The following RORA variants were observed in gnomAD, a reference collection of about 807,000 sequenced individuals.
RORA encodes nuclear receptor ROR-alpha.
Under a neutral mutation model 69.5 loss-of-function variants are expected in RORA, and 7 were observed. That is an observed-to-expected ratio of 0.10 (90% CI 0.06 to 0.19). The LOEUF (loss-of-function observed/expected upper bound fraction) is 0.19. Among genes scored for constraint, RORA ranks in the 10% least tolerant of loss-of-function variants. The pLI, the probability that RORA is intolerant of heterozygous loss-of-function variation, is 1.00. For missense variants in RORA, 457 were observed against 663.0 expected (o/e 0.69, Z 3.41); for synonymous variants, 261 against 240.8 (o/e 1.08, Z -0.78).
intron 1 of RORA, among the ~76,000 whole-genome samples, chr15:61,124,315 T>C (rs2079126382): frequency 5.3e-5 from 8 of 152,264 alleles, no homozygotes; most frequent in Admixed American, 5.2e-4. Flanking sequence ...TTTTGTTTCC[T>C]ATATATTTGG....
At chr15:60,895,565 G>C (rs1891209947) in intron 1 of RORA, among the ~76,000 whole-genome samples, 1 of 110,532 alleles carries the variant, frequency 9.0e-6, no homozygotes, top group South Asian at 4.2e-4. Context: ...CCCCCTCTCA[G>C]AATGGCTCTT....
At chr15:60,669,755 T>C (rs2070436926) in intron 2 of RORA, among the ~76,000 whole-genome samples, 1 of 152,212 alleles carries the variant, frequency 6.6e-6, no homozygotes, top group Non-Finnish European at 1.5e-5. Flanking sequence ...ACATATTCTA[T>C]TAGGTTGGTG....
At chr15:61,133,238 T>C (rs185948677) in intron 1 of RORA, among the ~76,000 whole-genome samples, 1 of 152,196 alleles carries the variant, frequency 6.6e-6, no homozygotes, top group Non-Finnish European at 1.5e-5. Context: ...ATGTTCTGCA[T>C]GGTAACTGCT....
chr15:60,709,163 G>C (rs2071109247), intron 1 of RORA, among the ~76,000 whole-genome samples: 1 of 152,124 alleles, frequency 6.6e-6, no homozygotes, highest in African/African-American at 2.4e-5. Flanking sequence ...ACACACCCTA[G>C]CTTGATTAAC....
At chr15:60,602,038 G>A (rs1361384425) in intron 2 of RORA, among the ~76,000 whole-genome samples, 1 of 152,102 alleles carries the variant, frequency 6.6e-6, no homozygotes, top group African/African-American at 2.4e-5. Context: ...TAATAGTCTT[G>A]GAAAGCCCAA....
chr15:60,900,039 T>G (rs1189967934), intron 1 of RORA, among the ~76,000 whole-genome samples: 1 of 148,284 alleles, frequency 6.7e-6, no homozygotes, highest in African/African-American at 2.5e-5. Context: ...TTAGTCTGAA[T>G]AGACAGCTCC....
At chr15:61,132,815 C>A (rs1016607587) in intron 1 of RORA, among the ~76,000 whole-genome samples, 4 of 152,086 alleles carry the variant, frequency 2.6e-5, no homozygotes, top group Non-Finnish European at 5.9e-5. Context: ...TTTGGTACCA[C>A]CATTTGCTTG....
At chr15:60,868,498 C>T (rs999703815) in intron 1 of RORA, among the ~76,000 whole-genome samples, 4 of 152,172 alleles carry the variant, frequency 2.6e-5, no homozygotes. Context: ...CCTGATGGTT[C>T]TGTTGGGCTA....
At chr15:60,593,231 A>G (rs1224165890) in intron 2 of RORA, 2 of 177,730 alleles carry the variant, frequency 1.1e-5, no homozygotes, top group Non-Finnish European at 2.4e-5. Flanking sequence ...GTCCCCCCCA[A>G]CCCCCTTCCC....
intron 2 of RORA, among the ~76,000 whole-genome samples, chr15:60,639,535 G>A (rs1321061187): frequency 6.6e-6 from 1 of 152,136 alleles, no homozygotes; most frequent in Non-Finnish European, 1.5e-5. Flanking sequence ...CTTCCGCTCA[G>A]ATACTGTCAA....
chr15:61,078,409 G>C (rs1034053944), intron 1 of RORA, among the ~76,000 whole-genome samples: 2 of 151,204 alleles, frequency 1.3e-5, no homozygotes, highest in African/African-American at 4.9e-5. Context: ...ATGTTGGCCA[G>C]GCTGGTCTCG....
intron 1 of RORA, among the ~76,000 whole-genome samples, chr15:60,720,164 T>C (rs2071273956): frequency 6.6e-6 from 1 of 152,158 alleles, no homozygotes; most frequent in Non-Finnish European, 1.5e-5. Context: ...TGACCTGCCC[T>C]AGGTGCTTCT....
chr15:60,598,385 G>A (rs547539557), intron 2 of RORA: 3 of 152,114 alleles, frequency 2.0e-5, no homozygotes, highest in Non-Finnish European at 4.4e-5. Context: ...TCACTTATGT[G>A]AGAATTTTCT....
chr15:60,607,960 A>T (rs1462884620), intron 2 of RORA, among the ~76,000 whole-genome samples: 1 of 152,188 alleles, frequency 6.6e-6, no homozygotes, highest in Non-Finnish European at 1.5e-5. Context: ...TGATACCGAT[A>T]CCTTTTTCTT....
intron 1 of RORA, among the ~76,000 whole-genome samples, chr15:60,825,157 C>T (rs537492243): frequency 1.6e-4 from 24 of 152,308 alleles, no homozygotes; most frequent in African/African-American, 5.5e-4. Flanking sequence ...AGGGCACCTT[C>T]TAAATTCTTG....
At chr15:61,015,609 A>T (rs1895254059) in intron 1 of RORA, among the ~76,000 whole-genome samples, 1 of 152,208 alleles carries the variant, frequency 6.6e-6, no homozygotes, top group African/African-American at 2.4e-5. Context: ...GTAGGTGCTC[A>T]TCTGTTCACC....
At chr15:61,085,943 T>C (rs972151122) in intron 1 of RORA, among the ~76,000 whole-genome samples, 10 of 152,182 alleles carry the variant, frequency 6.6e-5, no homozygotes, top group African/African-American at 1.9e-4. Context: ...AAGAATGAAT[T>C]ATATAGGCTC....
chr15:60,512,173 A>T (rs941935073), intron 4 of RORA: 5 of 152,702 alleles, frequency 3.3e-5, no homozygotes, highest in African/African-American at 1.2e-4. Flanking sequence ...AGGCCTCTGT[A>T]ATTCTTTGAA....
intron 1 of RORA, among the ~76,000 whole-genome samples, chr15:60,872,933 C>A (rs2073572738): frequency 6.6e-6 from 1 of 152,142 alleles, no homozygotes; most frequent in African/African-American, 2.4e-5. Context: ...GGGTGCCCTT[C>A]CATATCTTCC....
Sources: allele counts gnomAD v4.1 joint callset (sites outside exome capture counted in the v4.1 genomes callset), GRCh38; gene constraint gnomAD v4.1.1; transcripts MANE v1.5; gene names NCBI Gene and HGNC (gene_info 2026-07-23, HGNC 2026-07-21).